Variants in STMN4 observed in about 807,000 individuals in gnomAD.
STMN4 encodes stathmin 4.
In STMN4, 12 loss-of-function variants were observed where a neutral mutation model predicts 29.1. That is an observed-to-expected ratio of 0.41 (90% confidence interval 0.26 to 0.67). The LOEUF is 0.67. STMN4 is among the 30% of genes least tolerant of loss of function. The pLI is 0.30. For synonymous variants in STMN4, 114 were observed against 105.3 expected (o/e 1.08, Z -0.51); for missense variants, 181 against 262.8 (o/e 0.69, Z 2.15).
At chr8:27,247,447 C>A (rs1009626190) in intron 1 of STMN4, among the ~76,000 whole-genome samples, 2 of 152,168 alleles carry the variant, frequency 1.3e-5, no homozygotes, top group Non-Finnish European at 2.9e-5. Context: ...TGAAAGGAGT[C>A]TTTGCCACTG....
chr8:27,241,774 A>G lies in STMN4; in HGVS notation c.110-17T>C, dbSNP rs769187779. On this transcript the variant is annotated splice_polypyrimidine_tract_variant and intron_variant, in intron 3 of 6. Coordinates refer to ENST00000350889, the MANE Select transcript of STMN4 (RefSeq NM_030795.4). The stretch of plus-strand genomic sequence containing the variant: ...CACACCAGCCTAGACAGAAAAAACA[A>G]CCTCAGGTCATCCGAGCATGCCTGT... 58 of 1,613,936 alleles carry G rather than the reference A, an allele frequency of 3.6e-5. No homozygotes were observed. The highest frequency in any genetic ancestry group is 4.8e-5 in the Non-Finnish European group (57 of 1,179,972).
At chr8:27,252,139 C>G (rs1801808149) in intron 1 of STMN4, among the ~76,000 whole-genome samples, 1 of 147,836 alleles carries the variant, frequency 6.8e-6, no homozygotes, top group Non-Finnish European at 1.5e-5. Context: ...AGGACACGAA[C>G]TCATCATTTT....
chr8:27,255,206 C>T lies in STMN4; in HGVS notation c.-79+3145G>A, dbSNP rs574384710. Among the ~76,000 whole-genome samples, 231 of 150,922 alleles carry T rather than the reference C, an allele frequency of 1.5e-3. 1 individual carries two copies. Among genetic ancestry groups the T allele is most frequent in the African/African-American group, 5.4e-3 (222 of 41,344 alleles). On this transcript the variant is annotated intron_variant, in intron 1 of 6. Coordinates refer to ENST00000350889, the MANE Select transcript of STMN4 (RefSeq NM_030795.4). ...AATTTAATAAGCAAATCGAATTATA[C>T]ATGATGTATGTTTATTTCTCAAGCT...
At chr8:27,249,360 G>T (rs1287146674) in intron 1 of STMN4, among the ~76,000 whole-genome samples, 1 of 152,192 alleles carries the variant, frequency 6.6e-6, no homozygotes, top group Non-Finnish European at 1.5e-5. Context: ...AACTACATGG[G>T]ACTTTTCAAT....
At chr8:27,248,124 A>T (rs1387361039) in intron 1 of STMN4, among the ~76,000 whole-genome samples, 1 of 152,210 alleles carries the variant, frequency 6.6e-6, no homozygotes, top group Admixed American at 6.5e-5. Context: ...TCTGATGGAC[A>T]CAAACTGGTT....
chr8:27,241,138 C>T lies in STMN4; in HGVS notation c.315G>A (p.Glu105=), dbSNP rs1431234366. Residue 105 remains glutamate, a synonymous_variant, in exon 5 of 7, where the codon GAG becomes GAA. Transcript: ENST00000350889. ...GCCGCCTTGGCAGGGAGGCGTTGAA[C>T]TCGGGAACCCCATCAAAGGAGGGTG... ...LKPPSFDGVP[E]FNASLPRRRD... is the part of the protein sequence containing the mutation. 1.2e-6 allele frequency: 2 copies of T among 1,614,232 alleles called. No individual in the cohort carries two copies. The highest frequency in any genetic ancestry group is 3.3e-5 in the Admixed American group (2 of 60,030).
chr8:27,237,872 C>G (rs1801354321), intron 6 of STMN4, among the ~76,000 whole-genome samples: 1 of 152,206 alleles, frequency 6.6e-6, no homozygotes, highest in Non-Finnish European at 1.5e-5. Flanking sequence ...TAGACGGTGA[C>G]TTTCCTGTGG....
At chr8:27,242,982 A>G (rs1801519891) in intron 2 of STMN4, among the ~76,000 whole-genome samples, 1 of 152,112 alleles carries the variant, frequency 6.6e-6, no homozygotes, top group Admixed American at 6.5e-5. Flanking sequence ...TCTGCCCCTC[A>G]CAAGGTCAGG....
intron 5 of STMN4, 59 bp from the exon 6 acceptor site, chr8:27,240,221 T>C: frequency 1.3e-6 from 2 of 1,558,770 alleles, no homozygotes; most frequent in Non-Finnish European, 1.7e-6. Context: ...GGGTTTATTT[T>C]CACCATCGTG....
intron 1 of STMN4, among the ~76,000 whole-genome samples, chr8:27,250,410 A>G (rs1437473391): frequency 1.3e-5 from 2 of 152,218 alleles, no homozygotes; most frequent in African/African-American, 4.8e-5. Flanking sequence ...TAGATCCTAA[A>G]ATAACCACAG....
At position 27,236,766 on chromosome 8, in the gene STMN4, A is replaced by C; in HGVS notation, c.*80T>G. ...CCCCAAACCCCAGTGCTGGGAGCGC[A>C]GCCGGCGGGCGAGGCTGCCTGGAAC... On this transcript the variant is annotated 3_prime_UTR_variant, in exon 7 of 7. Coordinates refer to ENST00000350889, the MANE Select transcript of STMN4 (RefSeq NM_030795.4). The C allele has an allele frequency of 2.3e-6, 3 of 1,298,516 alleles. No individual in the cohort carries two copies. Among genetic ancestry groups the C allele is most frequent in the Non-Finnish European group, 2.1e-6 (2 of 969,510 alleles). 80.4% of individuals were successfully genotyped at this position (1,298,516 alleles called of 1,614,324 possible). A position where few individuals can be genotyped will look rare whatever the true frequency, so the allele number is the denominator to read the frequency against.
intron 1 of STMN4, among the ~76,000 whole-genome samples, chr8:27,250,902 C>G (rs1386427881): frequency 6.6e-6 from 1 of 152,132 alleles, no homozygotes; most frequent in Non-Finnish European, 1.5e-5. Context: ...GTGACAGCCC[C>G]AAATAATCCA....
At chr8:27,253,392 T>C (rs981433548) in intron 1 of STMN4, among the ~76,000 whole-genome samples, 3 of 152,226 alleles carry the variant, frequency 2.0e-5, no homozygotes, top group Admixed American at 1.3e-4. Context: ...ATGATTTTAT[T>C]TGTGTGAGAT....
chr8:27,239,367 G>A, intron 6 of STMN4: 2 of 1,434,136 alleles, frequency 1.4e-6, no homozygotes, highest in Non-Finnish European at 9.4e-7. Flanking sequence ...AGGCCAGCGT[G>A]TTCTCAGCAG....
At chr8:27,237,636 A>G (rs562551734) in intron 6 of STMN4, among the ~76,000 whole-genome samples, 6 of 152,340 alleles carry the variant, frequency 3.9e-5, no homozygotes, top group African/African-American at 1.4e-4. Flanking sequence ...TACACCTATT[A>G]TAAGAGAACC....
chr8:27,236,951 G>T (rs372399895), intron 6 of STMN4, 46 bp from the exon 7 acceptor site: 1 of 1,574,184 alleles, frequency 6.4e-7, no homozygotes, highest in Non-Finnish European at 8.6e-7. Context: ...AAGGCTGCCC[G>T]GGGACAAAAA....
At position 27,236,739 on chromosome 8, in the gene STMN4, C is replaced by T; in HGVS notation, c.*107G>A. 2 of 1,031,926 alleles carry T rather than the reference C, an allele frequency of 1.9e-6. No homozygotes were observed. The highest frequency in any genetic ancestry group is 2.7e-6 in the Non-Finnish European group (2 of 744,160). 63.9% of individuals were successfully genotyped at this position (1,031,926 alleles called of 1,614,324 possible). A position where few individuals can be genotyped will look rare whatever the true frequency, so the allele number is the denominator to read the frequency against. ...GGAAACGCCCCTTGGCCACCCCCCT[C>T]CCCCCAAACCCCAGTGCTGGGAGCG... is the stretch of plus-strand genomic sequence containing the variant. On this transcript the variant is annotated 3_prime_UTR_variant, in exon 7 of 7. Coordinates refer to ENST00000350889, the MANE Select transcript of STMN4 (RefSeq NM_030795.4).
rs757740986 is a variant in STMN4, at chr8:27,239,988, C to G, written c.574G>C (p.Glu192Gln). The change falls in exon 6 of 7, where the codon GAA (glutamate) becomes CAA (glutamine). Residue 192 changes from glutamate (E) to glutamine (Q), a missense_variant. Physicochemically the swap from Glu to Gln is conservative, Grantham distance 29 (BLOSUM62 2). Transcript: ENST00000350889. The stretch of plus-strand genomic sequence containing the variant: ...CCCCTCACCTTCTCTTGCAGCCGTT[C>G]CAACATGGCGGCGAGGTGGGCCTCC... ...NREAHLAAML[E>Q]RLQEKDKHAE... The G allele has an allele frequency of 3.7e-6, 6 of 1,614,112 alleles. No individual in the cohort carries two copies. Among genetic ancestry groups the G allele is most frequent in the Non-Finnish European group, 5.1e-6 (6 of 1,180,048 alleles).
chr8:27,257,870 G>C (rs955698321), intron 1 of STMN4, among the ~76,000 whole-genome samples: 1 of 152,160 alleles, frequency 6.6e-6, no homozygotes, highest in Non-Finnish European at 1.5e-5. Context: ...AGAGAAAAAA[G>C]TAACCCGTGC....
Sources: allele counts gnomAD v4.1 joint callset (sites outside exome capture counted in the v4.1 genomes callset), GRCh38; gene constraint gnomAD v4.1.1; transcripts MANE v1.5; gene names NCBI Gene and HGNC (gene_info 2026-07-23, HGNC 2026-07-21).